Variants in INSL6 observed in about 807,000 individuals in gnomAD.
INSL6 encodes insulin-like peptide INSL6.
INSL6 carries 16 observed loss-of-function variants against 9.4 expected under a neutral mutation model. The ratio of observed to expected loss-of-function variants is 1.70; its 90% CI spans 1.15 to 2.59. The LOEUF (loss-of-function observed/expected upper bound fraction) is 2.59, where lower values mean the gene tolerates loss of function less well. Ranked by LOEUF, INSL6 falls within the 30% of genes most tolerant of loss-of-function variation. The pLI is 0.00. For synonymous variants in INSL6, 154 were observed against 96.9 expected, an observed-to-expected ratio of 1.59 and a Z score of -3.46; for missense variants, 391 against 257.3, an observed-to-expected ratio of 1.52 and a Z score of -3.56.
At chr9:5,033,642 G>C in the INSL6 span, among the ~76,000 whole-genome samples, 2 of 152,172 alleles carry the variant, frequency 1.3e-5, no homozygotes, top group Admixed American at 6.5e-5. Context: ...GCCAAACTAA[G>C]CTTCATATGT....
At chr9:5,072,390 C>T in the INSL6 span, 2 of 780,234 alleles carry the variant, frequency 2.6e-6, no homozygotes, top group Non-Finnish European at 3.8e-6. Context: ...AAAATACTTG[C>T]TTATGGATTT....
chr9:5,100,415 T>C, the INSL6 span: 4 of 152,348 alleles, frequency 2.6e-5, no homozygotes, highest in East Asian at 7.7e-4. Flanking sequence ...GATGATGTGA[T>C]ATTATCTGAG....
chr9:5,170,241 C>A (rs558615669), intron 1 of INSL6, among the ~76,000 whole-genome samples: 2 of 152,282 alleles, frequency 1.3e-5, no homozygotes, highest in East Asian at 1.9e-4. Flanking sequence ...ACAACCTGTT[C>A]CTGAGTGACT....
At chr9:5,137,776 G>T (rs550174609) in intron 2 of INSL6, among the ~76,000 whole-genome samples, 1 of 152,188 alleles carries the variant, frequency 6.6e-6, no homozygotes, top group East Asian at 1.9e-4. Context: ...TACAGCAAAA[G>T]AAACTATCAT....
chr9:5,135,279 G>T (rs191519498), intron 2 of INSL6, among the ~76,000 whole-genome samples: 21 of 152,212 alleles, frequency 1.4e-4, no homozygotes, highest in Admixed American at 1.4e-3. Context: ...AGATCAACGA[G>T]ACAGAAAATT....
At chr9:5,048,877 T>C in the INSL6 span, among the ~76,000 whole-genome samples, 3 of 152,160 alleles carry the variant, frequency 2.0e-5, 1 homozygote, top group Admixed American at 2.0e-4. Context: ...TTGATTCGCA[T>C]TGTTATTTTA....
chr9:5,175,058 G>A (rs576952716), intron 1 of INSL6, among the ~76,000 whole-genome samples: 2 of 151,876 alleles, frequency 1.3e-5, no homozygotes, highest in East Asian at 1.9e-4. Flanking sequence ...TCCTGCCTCA[G>A]TCTCCCGAGT....
chr9:5,107,067 C>G, the INSL6 span, among the ~76,000 whole-genome samples: 2 of 152,110 alleles, frequency 1.3e-5, no homozygotes, highest in African/African-American at 2.4e-5. Flanking sequence ...CCAACCAGCA[C>G]TTTGGCTTTG....
rs751114432 is a variant in INSL6 at position 5,164,038 on chromosome 9, C to G, written c.517G>C (p.Gly173Arg). 1.9e-6 allele frequency: 3 copies of G among 1,613,614 alleles called. No individual in the cohort carries two copies. Among genetic ancestry groups the G allele is most frequent in the Non-Finnish European group, 2.5e-6 (3 of 1,179,794 alleles). Reference protein sequence around the residue: ...WGHHPQRKRRGYSEKCCLTGC... With the variant: ...WGHHPQRKRRRYSEKCCLTGC... ...GTAAGACAACACTTTTCTGAATATC[C>G]TCTGCGTTTTCTTTGGGGATGATGC... The change falls in exon 2 of 2, where the codon GGA (glycine) becomes CGA (arginine). Residue 173 changes from glycine (G) to arginine (R), a missense_variant. Physicochemically the swap from Gly to Arg is moderately radical, Grantham distance 125. Transcript: ENST00000381641.
chr9:5,116,148 A>T, the INSL6 span, among the ~76,000 whole-genome samples: 1 of 152,184 alleles, frequency 6.6e-6, no homozygotes, highest in African/African-American at 2.4e-5. Flanking sequence ...CCTCATAACA[A>T]CCCTTGGAGA....
chr9:5,158,853 T>C (rs1824867771), intron 2 of INSL6, among the ~76,000 whole-genome samples: 1 of 151,894 alleles, frequency 6.6e-6, no homozygotes, highest in East Asian at 1.9e-4. Context: ...AAAAATAAAA[T>C]ATTATAACTG....
At chr9:5,116,573 G>A in the INSL6 span, among the ~76,000 whole-genome samples, 1 of 152,056 alleles carries the variant, frequency 6.6e-6, no homozygotes, top group East Asian at 1.9e-4. Context: ...AAAATTAGCT[G>A]GCAATCAAAA....
At position 5,164,013 on chromosome 9, in the gene INSL6, G is replaced by GT; in HGVS notation, c.541dup (p.Thr181AsnfsTer9). On this transcript the variant is annotated frameshift_variant, in exon 2 of 2. Coordinates refer to ENST00000381641, the MANE Select transcript of INSL6 (RefSeq NM_007179.3). LOFTEE classifies it low-confidence loss of function (END_TRUNC). Reference sequence around the variant, plus strand: ...GCTAAGTTCTTCTTTTGTACATCCTGTAAGACAACACTTTTCTGAATATCC... The same window carrying GT: ...GCTAAGTTCTTCTTTTGTACATCCTGTTAAGACAACACTTTTCTGAATATCC... The GT allele has an allele frequency of 6.2e-7, 1 of 1,613,370 alleles. No individual in the cohort carries two copies. Among genetic ancestry groups the GT allele is most frequent in the Non-Finnish European group, 8.5e-7 (1 of 1,179,744 alleles).
At chr9:5,004,104 C>T in the INSL6 span, among the ~76,000 whole-genome samples, 4 of 152,066 alleles carry the variant, frequency 2.6e-5, no homozygotes, top group Non-Finnish European at 5.9e-5. Flanking sequence ...GTCTAATTAA[C>T]ATATGTATCA....
the INSL6 span, among the ~76,000 whole-genome samples, chr9:5,004,918 C>CTT: frequency 0.083 from 10,833 of 131,290 alleles, 1,385 homozygotes; most frequent in African/African-American, 0.28. Flanking sequence ...TACATATTGT[C>CTT]TTTTTTTTTT....
the INSL6 span, chr9:5,041,079 C>G: frequency 2.9e-6 from 2 of 696,202 alleles, no homozygotes; most frequent in South Asian, 1.5e-5. Flanking sequence ...GGTCTACTAC[C>G]TACTACAGCC....
chr9:5,160,599 T>C (rs1027808042), downstream of INSL6, among the ~76,000 whole-genome samples: 5 of 151,814 alleles, frequency 3.3e-5, no homozygotes, highest in South Asian at 2.1e-4. Context: ...ATAATAAACA[T>C]CATAGCATAA....
At chr9:4,998,820 G>C in the INSL6 span, among the ~76,000 whole-genome samples, 1 of 151,698 alleles carries the variant, frequency 6.6e-6, no homozygotes, top group Non-Finnish European at 1.5e-5. Flanking sequence ...TCTCTTCATG[G>C]CATCAGTTTT....
At chr9:5,152,882 G>C (rs1195769496) in intron 2 of INSL6, among the ~76,000 whole-genome samples, 1 of 152,180 alleles carries the variant, frequency 6.6e-6, no homozygotes, top group Admixed American at 6.5e-5. Flanking sequence ...TAGAGAGTGG[G>C]TGCAGCCCAA....
Sources: allele counts gnomAD v4.1 joint callset (sites outside exome capture counted in the v4.1 genomes callset), GRCh38; gene constraint gnomAD v4.1.1; transcripts MANE v1.5; gene names NCBI Gene and HGNC (gene_info 2026-07-23, HGNC 2026-07-21).